Variants in C1orf21 observed in about 807,000 individuals in gnomAD.
C1orf21 encodes chromosome 1 open reading frame 21.
Under a neutral mutation model 18.7 loss-of-function variants are expected in C1orf21, and 3 were observed. The observed-to-expected ratio is 0.16, with a 90% confidence interval of 0.07 to 0.42. The LOEUF is 0.42. Among genes scored for constraint, C1orf21 ranks in the 10% least tolerant of loss-of-function variants. The pLI, the probability that C1orf21 is intolerant of heterozygous loss-of-function variation, is 0.99. For synonymous variants in C1orf21, 41 were observed against 46.4 expected, an observed-to-expected ratio of 0.88 and a Z score of 0.47; for missense variants, 104 against 143.6, an observed-to-expected ratio of 0.72 and a Z score of 1.41.
intron 1 of C1orf21, among the ~76,000 whole-genome samples, chr1:184,460,950 T>C (rs928455695): frequency 2.0e-5 from 3 of 152,076 alleles, no homozygotes; most frequent in Non-Finnish European, 4.4e-5. Flanking sequence ...TGAGGACAGG[T>C]GTCCTTCCTT....
intron 3 of C1orf21, among the ~76,000 whole-genome samples, chr1:184,551,943 TAAA>T (rs5779224): frequency 2.1e-5 from 3 of 139,782 alleles, no homozygotes; most frequent in Non-Finnish European, 3.1e-5. Context: ...GACCCTGTCT[TAAA>T]AAAAAAAAAA....
At chr1:184,526,585 A>C (rs1236030199) in intron 3 of C1orf21, among the ~76,000 whole-genome samples, 2 of 152,164 alleles carry the variant, frequency 1.3e-5, no homozygotes, top group Non-Finnish European at 2.9e-5. Flanking sequence ...AAAAATGAGA[A>C]TTGTTTGACA....
chr1:184,435,356 GC>G, intron 1 of C1orf21, among the ~76,000 whole-genome samples: 1 of 152,160 alleles, frequency 6.6e-6, no homozygotes, highest in Middle Eastern at 3.4e-3. Context: ...CGTTGTTGTT[GC>G]TTTTGAGATG....
At chr1:184,602,093 T>C (rs1234934667) in intron 5 of C1orf21, among the ~76,000 whole-genome samples, 1 of 152,136 alleles carries the variant, frequency 6.6e-6, no homozygotes, top group Non-Finnish European at 1.5e-5. Context: ...ATTTTTCTGA[T>C]CAAGGAGTAC....
chr1:184,469,303 T>C (rs906784706), intron 1 of C1orf21, among the ~76,000 whole-genome samples: 16 of 152,158 alleles, frequency 1.1e-4, no homozygotes, highest in African/African-American at 3.9e-4. Flanking sequence ...TTCTAATGAT[T>C]AGCTTAGAAA....
In C1orf21 at chr1:184,410,640, T is replaced by A. The variant is rs1317172888; in HGVS notation, c.-125+23272T>A. 8.2e-4 allele frequency among the ~76,000 whole-genome samples: 4 copies of A among 4,894 alleles called. No individual in the cohort carries two copies. The East Asian group carries it at 0.02, about 24-fold the overall frequency. 3.2% of individuals were successfully genotyped at this position (4,894 alleles called of 152,430 possible). On this transcript the variant is annotated intron_variant, in intron 1 of 5. Coordinates refer to ENST00000235307, the MANE Select transcript of C1orf21 (RefSeq NM_030806.4). Reference sequence around the variant, plus strand: ...TATTATATATATATATATATATATATATATATATATATATATATATATATT... The same window carrying A: ...TATTATATATATATATATATATATAAATATATATATATATATATATATATT...
At chr1:184,481,192 A>G (rs1657649143) in intron 2 of C1orf21, among the ~76,000 whole-genome samples, 1 of 152,224 alleles carries the variant, frequency 6.6e-6, no homozygotes, top group Non-Finnish European at 1.5e-5. Flanking sequence ...TCTCTCTTAG[A>G]AAAATGGGGA....
At chr1:184,589,543 A>G (rs1029506037) in intron 3 of C1orf21, among the ~76,000 whole-genome samples, 2 of 152,254 alleles carry the variant, frequency 1.3e-5, no homozygotes, top group African/African-American at 4.8e-5. Flanking sequence ...ACATACGTCA[A>G]CAGACAGAAC....
intron 3 of C1orf21, among the ~76,000 whole-genome samples, chr1:184,531,837 A>G (rs1036828358): frequency 6.6e-6 from 1 of 152,144 alleles, no homozygotes; most frequent in African/African-American, 2.4e-5. Context: ...CTGAGATTGT[A>G]TATCAGACAA....
chr1:184,605,300 T>A lies in C1orf21; in HGVS notation c.327+6839T>A, dbSNP rs1659633833. 2.0e-5 allele frequency among the ~76,000 whole-genome samples: 3 copies of A among 152,228 alleles called. No homozygotes were observed. In the South Asian group the frequency reaches 6.2e-4, roughly 32 times the overall value. On this transcript the variant is annotated intron_variant, in intron 5 of 5. Coordinates refer to ENST00000235307, the MANE Select transcript of C1orf21 (RefSeq NM_030806.4). ...GAAGGGTCCCACTCTTGGTAACTAC[T>A]GCATTGTTATTTACGAACATCTAAA...
At chr1:184,569,027 G>A (rs1659072570) in intron 3 of C1orf21, among the ~76,000 whole-genome samples, 1 of 152,238 alleles carries the variant, frequency 6.6e-6, no homozygotes, top group Non-Finnish European at 1.5e-5. Flanking sequence ...AGCATTTAAA[G>A]GAGCCTGTAG....
chr1:184,460,638 T>G lies in C1orf21; in HGVS notation c.-124-16748T>G, dbSNP rs374509843. On this transcript the variant is annotated intron_variant, in intron 1 of 5. Transcript: ENST00000235307. Reference sequence around the variant, plus strand: ...CGTCGTCGTCTTCTTCTTCTTCTTCTTCTTCTTCTTCTTCTTCTTCTTCTT... The same window carrying G: ...CGTCGTCGTCTTCTTCTTCTTCTTCGTCTTCTTCTTCTTCTTCTTCTTCTT... Among the ~76,000 whole-genome samples the G allele has an allele frequency of 1.2e-3, 145 of 118,660 alleles. 1 individual carries two copies. In the Middle Eastern group the frequency reaches 0.016, roughly 13 times the overall value. The allele number at this position is 118,660 out of a possible 152,430, so 77.8% of individuals were successfully genotyped here.
intron 3 of C1orf21, among the ~76,000 whole-genome samples, chr1:184,547,459 G>T (rs1658742874): frequency 8.9e-6 from 1 of 112,544 alleles, no homozygotes; most frequent in African/African-American, 4.1e-5. Context: ...TGCAAAAATG[G>T]CATGCATGCT....
intron 1 of C1orf21, among the ~76,000 whole-genome samples, chr1:184,447,569 A>G (rs1208206110): frequency 2.6e-5 from 4 of 152,166 alleles, no homozygotes; most frequent in Admixed American, 6.5e-5. Flanking sequence ...ATTGCTCTTC[A>G]TGTCAAATGT....
chr1:184,523,912 G>A (rs139538221), intron 3 of C1orf21, among the ~76,000 whole-genome samples: 24 of 152,136 alleles, frequency 1.6e-4, no homozygotes, highest in Non-Finnish European at 3.1e-4. Flanking sequence ...AGACAAAAAG[G>A]TTTTTTTGAT....
At position 184,598,601 on chromosome 1, in the gene C1orf21, C is replaced by T. The variant is rs143465664; in HGVS notation, c.327+140C>T. The T allele has an allele frequency of 3.5e-3, 2,746 of 793,352 alleles. 9 individuals are homozygous for T. The highest frequency in any genetic ancestry group is 4.9e-3 in the Admixed American group (168 of 34,420). The allele number at this position is 793,352 out of a possible 1,614,324, so 49.1% of individuals were successfully genotyped here. A position where few individuals can be genotyped will look rare whatever the true frequency, so the allele number is the denominator to read the frequency against. ...GGGTGGAGAGTTAAATAAAAGTCAC[C>T]GCCCTTCCAAAATAAAGTGCATGTG... On this transcript the variant is annotated intron_variant, in intron 5 of 5. Coordinates refer to ENST00000235307, the MANE Select transcript of C1orf21 (RefSeq NM_030806.4).
chr1:184,604,763 C>T (rs1180855591), intron 5 of C1orf21, among the ~76,000 whole-genome samples: 1 of 152,192 alleles, frequency 6.6e-6, no homozygotes, highest in Non-Finnish European at 1.5e-5. Context: ...TAGGATCCTG[C>T]ATGCCCATCC....
At chr1:184,602,753 T>C (rs1441904792) in intron 5 of C1orf21, among the ~76,000 whole-genome samples, 1 of 152,224 alleles carries the variant, frequency 6.6e-6, no homozygotes, top group Non-Finnish European at 1.5e-5. Context: ...AGTTTGTTTG[T>C]AAAAAGCAGA....
At chr1:184,530,143 A>G (rs1658438031) in intron 3 of C1orf21, among the ~76,000 whole-genome samples, 1 of 152,218 alleles carries the variant, frequency 6.6e-6, no homozygotes, top group Non-Finnish European at 1.5e-5. Context: ...TATAGTAGTT[A>G]TTATTTTAAA....
Sources: gnomAD v4.1 joint callset for allele counts (sites outside exome capture counted in the v4.1 genomes callset) on GRCh38, gnomAD v4.1.1 for gene constraint, MANE v1.5 for transcripts, NCBI Gene and HGNC (gene_info 2026-07-23, HGNC 2026-07-21) for gene names.